Variants in CHSY3 observed in about 807,000 individuals in gnomAD.
The protein encoded by CHSY3 is chondroitin sulfate synthase 3.
A neutral mutation model predicts 67.2 loss-of-function variants in CHSY3; 35 were observed. The ratio of observed to expected loss-of-function variants is 0.52; its 90% CI spans 0.40 to 0.69. The LOEUF is 0.69. CHSY3 is among the 30% of genes least tolerant of loss of function. The pLI, the probability that CHSY3 is intolerant of heterozygous loss-of-function variation, is 0.00. For synonymous variants in CHSY3, 474 were observed against 434.7 expected (o/e 1.09, Z -1.12); for missense variants, 1,069 against 1,138.5 (o/e 0.94, Z 0.88).
chr5:130,122,836 T>C (rs1377966260), intron 2 of CHSY3, among the ~76,000 whole-genome samples: 2 of 152,178 alleles, frequency 1.3e-5, no homozygotes, highest in African/African-American at 2.4e-5. Context: ...ATAAAACACA[T>C]ATTAGAAGCT....
intron 2 of CHSY3, among the ~76,000 whole-genome samples, chr5:129,945,949 A>G (rs542247334): frequency 1.3e-4 from 19 of 151,934 alleles, no homozygotes; most frequent in African/African-American, 4.4e-4. Flanking sequence ...GAGAAAAAAG[A>G]GAGATTTTGA....
chr5:129,974,555 C>A (rs1244988144), intron 2 of CHSY3, among the ~76,000 whole-genome samples: 1 of 152,116 alleles, frequency 6.6e-6, no homozygotes, highest in African/African-American at 2.4e-5. Flanking sequence ...GAAAAAGCCC[C>A]TATGTACTTA....
chr5:129,940,959 C>T (rs1450828135), intron 2 of CHSY3, among the ~76,000 whole-genome samples: 2 of 152,054 alleles, frequency 1.3e-5, no homozygotes, highest in Admixed American at 1.3e-4. Context: ...TGGCTCATGC[C>T]TATTATCCCA....
At chr5:129,986,066 A>C (rs6859218) in intron 2 of CHSY3, among the ~76,000 whole-genome samples, 3,877 of 152,140 alleles carry the variant, frequency 0.025, 171 homozygotes, top group African/African-American at 0.088. Context: ...TACTATGTTG[A>C]ATAGGAGTCA....
At chr5:130,056,241 T>G (rs1255842590) in intron 2 of CHSY3, among the ~76,000 whole-genome samples, 1 of 151,480 alleles carries the variant, frequency 6.6e-6, no homozygotes, top group Non-Finnish European at 1.5e-5. Context: ...AAGAAAAAAG[T>G]TTTGGTTCAT....
intron 2 of CHSY3, among the ~76,000 whole-genome samples, chr5:130,034,401 G>T (rs1222568970): frequency 2.0e-5 from 3 of 151,976 alleles, no homozygotes; most frequent in Non-Finnish European, 4.4e-5. Context: ...AAAAAGAATG[G>T]TTCATTTCCT....
chr5:130,115,079 C>CA (rs1428468791), intron 2 of CHSY3, among the ~76,000 whole-genome samples: 1 of 145,540 alleles, frequency 6.9e-6, no homozygotes, highest in Non-Finnish European at 1.5e-5. Flanking sequence ...GCAAATTGTT[C>CA]AAAGGTTTTT....
intron 2 of CHSY3, among the ~76,000 whole-genome samples, chr5:130,005,300 A>C (rs1763844158): frequency 6.6e-6 from 1 of 152,112 alleles, no homozygotes; most frequent in Non-Finnish European, 1.5e-5. Context: ...CTGTAGTCCC[A>C]GCTACTCGGG....
intron 2 of CHSY3, among the ~76,000 whole-genome samples, chr5:129,992,310 C>G (rs930024299): frequency 2.0e-5 from 3 of 152,118 alleles, no homozygotes; most frequent in Non-Finnish European, 2.9e-5. Context: ...TAAATGATTA[C>G]CTTGATTAAG....
chr5:129,989,515 A>C (rs1332027990), intron 2 of CHSY3, among the ~76,000 whole-genome samples: 1 of 152,118 alleles, frequency 6.6e-6, no homozygotes. Context: ...GGCCTCACCC[A>C]GGCCTTAACA....
At chr5:130,148,716 A>G (rs1443460578) in intron 2 of CHSY3, among the ~76,000 whole-genome samples, 1 of 152,056 alleles carries the variant, frequency 6.6e-6, no homozygotes, top group African/African-American at 2.4e-5. Context: ...GTGGCTGTTC[A>G]TGTTCTTTGC....
intron 2 of CHSY3, among the ~76,000 whole-genome samples, chr5:130,071,571 GTGTT>G (rs1174278766): frequency 6.7e-6 from 1 of 150,338 alleles, no homozygotes; most frequent in Non-Finnish European, 1.5e-5. Context: ...GTGTGTGTGT[GTGTT>G]TGTATACACA....
At chr5:130,030,125 C>T (rs1165931063) in intron 2 of CHSY3, among the ~76,000 whole-genome samples, 1 of 151,920 alleles carries the variant, frequency 6.6e-6, no homozygotes, top group Admixed American at 6.6e-5. Context: ...TGATGGTATG[C>T]TGTTTTTTAT....
rs1170761953 is a variant in CHSY3, at chr5:130,185,798, A to G, written c.*7A>G. 6.5e-7 allele frequency: 1 copy of G among 1,538,628 alleles called. No individual in the cohort carries two copies. ...CAATCGAACTCTCTCCTGACAGTCC[A>G]GGCAACACATTTTGCCTTTTTTAAG... is the stretch of plus-strand genomic sequence containing the variant. On this transcript the variant is annotated 3_prime_UTR_variant, in exon 3 of 3. Transcript: ENST00000305031.
At chr5:130,133,295 C>A (rs764358266) in intron 2 of CHSY3, among the ~76,000 whole-genome samples, 8 of 151,948 alleles carry the variant, frequency 5.3e-5, no homozygotes, top group Non-Finnish European at 1.2e-4. Context: ...GCATTTTTTT[C>A]TTCTCCTAGT....
At chr5:130,144,035 G>A (rs1768997822) in intron 2 of CHSY3, among the ~76,000 whole-genome samples, 1 of 150,256 alleles carries the variant, frequency 6.7e-6, no homozygotes, top group East Asian at 2.0e-4. Flanking sequence ...TTCAATCTAG[G>A]GTGTCTAGAG....
chr5:130,144,668 T>C (rs1308686349), intron 2 of CHSY3, among the ~76,000 whole-genome samples: 1 of 152,140 alleles, frequency 6.6e-6, no homozygotes, highest in Non-Finnish European at 1.5e-5. Context: ...ATTTTTTTAA[T>C]GGAACTAAAG....
intron 2 of CHSY3, among the ~76,000 whole-genome samples, chr5:130,144,971 A>T (rs1220967907): frequency 6.6e-6 from 1 of 152,180 alleles, no homozygotes; most frequent in Admixed American, 6.6e-5. Context: ...AAAAGGGGGA[A>T]CCAGCACTTC....
chr5:130,081,040 A>G (rs1183295618), intron 2 of CHSY3, among the ~76,000 whole-genome samples: 1 of 152,074 alleles, frequency 6.6e-6, no homozygotes, highest in Non-Finnish European at 1.5e-5. Flanking sequence ...AGGGGAATTC[A>G]ATGGGCTTGA....
Sources: allele counts gnomAD v4.1 joint callset (sites outside exome capture counted in the v4.1 genomes callset), GRCh38; gene constraint gnomAD v4.1.1; transcripts MANE v1.5; gene names NCBI Gene and HGNC (gene_info 2026-07-23, HGNC 2026-07-21).